Variants in PTPRK observed in about 807,000 individuals in gnomAD.
PTPRK encodes receptor-type tyrosine-protein phosphatase kappa.
In PTPRK, 75 loss-of-function variants were observed where a neutral mutation model predicts 178.0. That is an observed-to-expected ratio of 0.42 (90% CI 0.35 to 0.51). The LOEUF (loss-of-function observed/expected upper bound fraction) is 0.51, where lower values mean the gene tolerates loss of function less well. Ranked by LOEUF, PTPRK falls within the 20% of genes least tolerant of loss-of-function variation. The probability of loss-of-function intolerance (pLI) is 0.02; values close to 1 mark genes in which losing one functional copy is unlikely to be tolerated. For synonymous variants in PTPRK, 637 were observed against 620.6 expected (o/e 1.03, Z -0.39); for missense variants, 1,441 against 1,797.8 (o/e 0.80, Z 3.59).
rs150184137 is a variant in PTPRK, at chr6:128,150,419, T to C, written c.1162+34013A>G. On this transcript the variant is annotated intron_variant, in intron 7 of 29. Transcript: ENST00000368226. ...AAACAAACAAGTAAAACCTAATAAATTGGTATATGTCCTACATTCTAGCCT... is the reference window on the plus strand; with the variant it reads ...AAACAAACAAGTAAAACCTAATAAACTGGTATATGTCCTACATTCTAGCCT... 2.1e-3 allele frequency among the ~76,000 whole-genome samples: 319 copies of C among 152,146 alleles called. 1 individual carries two copies. The highest frequency in any genetic ancestry group is 7.2e-3 in the African/African-American group (297 of 41,532).
chr6:128,417,466 T>C (rs1201909677), intron 1 of PTPRK, among the ~76,000 whole-genome samples: 1 of 152,204 alleles, frequency 6.6e-6, no homozygotes, highest in Non-Finnish European at 1.5e-5. Context: ...TGGTTAATAA[T>C]GCAAATTCAA....
chr6:128,435,360 G>C (rs1845460624), intron 1 of PTPRK, among the ~76,000 whole-genome samples: 1 of 152,130 alleles, frequency 6.6e-6, no homozygotes, highest in Admixed American at 6.5e-5. Flanking sequence ...TAAGTCAAAT[G>C]AATGTGTAAT....
At chr6:128,446,592 A>C (rs1847065101) in intron 1 of PTPRK, among the ~76,000 whole-genome samples, 1 of 152,244 alleles carries the variant, frequency 6.6e-6, no homozygotes, top group Admixed American at 6.5e-5. Flanking sequence ...TCTGAATAGC[A>C]CAGAAGCCGT....
chr6:128,364,890 T>C (rs1201260610), intron 2 of PTPRK, among the ~76,000 whole-genome samples: 1 of 152,070 alleles, frequency 6.6e-6, no homozygotes, highest in African/African-American at 2.4e-5. Context: ...CCTGTCATCT[T>C]GTCTATCTAA....
At chr6:128,398,772 C>T (rs1840665551) in intron 1 of PTPRK, among the ~76,000 whole-genome samples, 2 of 152,240 alleles carry the variant, frequency 1.3e-5, no homozygotes, top group South Asian at 4.1e-4. Flanking sequence ...TCAGATTAGC[C>T]TATAATCACT....
At chr6:128,487,030 G>T (rs1853043238) in intron 1 of PTPRK, among the ~76,000 whole-genome samples, 1 of 150,788 alleles carries the variant, frequency 6.6e-6, no homozygotes, top group Admixed American at 6.7e-5. Flanking sequence ...GGATACACAA[G>T]AAAGAAGCTA....
In PTPRK at chr6:128,255,287, C is replaced by T. The variant is rs150541630; in HGVS notation, c.496-12685G>A. ...AACAGGCGTGAGCCACCATGCCGGGCCCTAAATCAGGTTTTAAGGATAGAT... is the reference window on the plus strand; with the variant it reads ...AACAGGCGTGAGCCACCATGCCGGGTCCTAAATCAGGTTTTAAGGATAGAT... On this transcript the variant is annotated intron_variant, in intron 3 of 29. Transcript: ENST00000368226. Among the ~76,000 whole-genome samples the T allele has an allele frequency of 8.9e-4, 135 of 152,260 alleles. 1 individual carries two copies. The East Asian group carries it at 0.011, about 12-fold the overall frequency.
chr6:128,389,912 C>T (rs4895833), intron 2 of PTPRK, among the ~76,000 whole-genome samples: 151,426 of 152,136 alleles, frequency 1, 75,364 homozygotes, highest in Middle Eastern at 1. Flanking sequence ...GCGAGGGTAA[C>T]AGTCCTTACA....
At chr6:128,149,352 ATAATAT>A (rs1796945025) in intron 7 of PTPRK, among the ~76,000 whole-genome samples, 1 of 152,130 alleles carries the variant, frequency 6.6e-6, no homozygotes, top group African/African-American at 2.4e-5. Context: ...TGAAATAATA[ATAATAT>A]TGATAATTCT....
In PTPRK at chr6:128,392,966, CTTGT is replaced by C. The variant is rs1195156777; in HGVS notation, c.223+4596_223+4599del. On this transcript the variant is annotated intron_variant, in intron 2 of 29. Transcript: ENST00000368226. Reference sequence around the variant, plus strand: ...AATTTTCTAACAAGAGGAAAAACATCTTGTTTAATTCTTGACAAAAATATTTTAA... The same window carrying C: ...AATTTTCTAACAAGAGGAAAAACATCTTAATTCTTGACAAAAATATTTTAA... Among the ~76,000 whole-genome samples the C allele has an allele frequency of 4.0e-5, 6 of 151,626 alleles. No homozygotes were observed. The East Asian group carries it at 5.8e-4, about 15-fold the overall frequency.
rs1554274582 is a variant in PTPRK at position 128,472,430 on chromosome 6, C to CG, written c.100+47828_100+47829insC. 6.1e-5 allele frequency among the ~76,000 whole-genome samples: 9 copies of CG among 147,044 alleles called. No homozygotes were observed. In the East Asian group the frequency reaches 1.7e-3, roughly 27 times the overall value. On this transcript the variant is annotated intron_variant, in intron 1 of 29. Coordinates refer to ENST00000368226, the MANE Select transcript of PTPRK (RefSeq NM_002844.4). ...CCCTGAATTTTTGACACCCCCCCCCCCTTTAGCTTAGGGAACTCCCTGAAT... is the reference window on the plus strand; with the variant it reads ...CCCTGAATTTTTGACACCCCCCCCCCGCTTTAGCTTAGGGAACTCCCTGAAT...
At chr6:128,285,690 A>C (rs1336490734) in intron 3 of PTPRK, among the ~76,000 whole-genome samples, 1 of 151,922 alleles carries the variant, frequency 6.6e-6, no homozygotes, top group Non-Finnish European at 1.5e-5. Flanking sequence ...CTGCCGTCCC[A>C]GCTGCTTGGG....
chr6:128,314,446 A>G (rs1827722331), intron 3 of PTPRK, among the ~76,000 whole-genome samples: 2 of 152,196 alleles, frequency 1.3e-5, no homozygotes, highest in Non-Finnish European at 2.9e-5. Context: ...TTCAGAGAGA[A>G]AGTGTTTCTG....
intron 8 of PTPRK, among the ~76,000 whole-genome samples, chr6:128,086,549 A>G (rs1034598968): frequency 2.6e-5 from 4 of 152,128 alleles, no homozygotes. Context: ...ATGTCCTTTT[A>G]TTAGGTGGCT....
intron 3 of PTPRK, among the ~76,000 whole-genome samples, chr6:128,265,284 C>T (rs1487646606): frequency 6.6e-6 from 1 of 152,116 alleles, no homozygotes; most frequent in Non-Finnish European, 1.5e-5. Context: ...GATTATTATA[C>T]ATGAGGTGGC....
intron 8 of PTPRK, among the ~76,000 whole-genome samples, chr6:128,086,971 A>T (rs1389376188): frequency 6.6e-6 from 1 of 152,124 alleles, no homozygotes; most frequent in African/African-American, 2.4e-5. Flanking sequence ...TAGAATTTAA[A>T]ATATTTCAAA....
intron 2 of PTPRK, among the ~76,000 whole-genome samples, chr6:128,339,994 C>G (rs1337241433): frequency 6.6e-6 from 1 of 152,096 alleles, no homozygotes; most frequent in Non-Finnish European, 1.5e-5. Flanking sequence ...GAATTGCTAC[C>G]ATCACCCCAC....
intron 1 of PTPRK, among the ~76,000 whole-genome samples, chr6:128,490,382 A>G (rs1486532118): frequency 6.6e-6 from 1 of 152,202 alleles, no homozygotes; most frequent in African/African-American, 2.4e-5. Flanking sequence ...GATTCTGCAG[A>G]TGCATCATTC....
chr6:128,110,507 C>A (rs1288433577), intron 7 of PTPRK, among the ~76,000 whole-genome samples: 1 of 151,968 alleles, frequency 6.6e-6, no homozygotes, highest in Non-Finnish European at 1.5e-5. Flanking sequence ...GGCTCCATAT[C>A]TTTTGGTACC....
Sources: allele counts gnomAD v4.1 joint callset (sites outside exome capture counted in the v4.1 genomes callset), GRCh38; gene constraint gnomAD v4.1.1; transcripts MANE v1.5; gene names NCBI Gene and HGNC (gene_info 2026-07-23, HGNC 2026-07-21).